The following INA variants were observed in gnomAD, a reference collection of about 807,000 sequenced individuals.
INA encodes the protein alpha-internexin.
Under a neutral mutation model 40.1 loss-of-function variants are expected in INA, and 35 were observed. That is an observed-to-expected ratio of 0.87 (90% CI 0.67 to 1.16). INA has a LOEUF of 1.16. Among genes scored for constraint, INA ranks in the 50% most tolerant of loss-of-function variants. INA has a pLI of 0.00. For missense variants in INA, 594 were observed against 686.7 expected, an observed-to-expected ratio of 0.87 and a Z score of 1.51; for synonymous variants, 290 against 316.9, an observed-to-expected ratio of 0.92 and a Z score of 0.90.
At chr10:103,284,194 G>A (rs560303164) in intron 1 of INA, among the ~76,000 whole-genome samples, 6 of 150,578 alleles carry the variant, frequency 4.0e-5, no homozygotes, top group East Asian at 3.9e-4. Context: ...TTCAACCTCC[G>A]CCTACCGGGC....
Position 103,288,728 on chromosome 10 carries a change from A to AAC in INA, c.*61_*62dup. On this transcript the variant is annotated 3_prime_UTR_variant, in exon 3 of 3. Coordinates refer to ENST00000369849, the MANE Select transcript of INA (RefSeq NM_032727.4). ...GGAATGATATGCATTTGACTTGTTAAACAGCCTATTCCTGAACTATAACAC... is the reference window on the plus strand; with the variant it reads ...GGAATGATATGCATTTGACTTGTTAAACACAGCCTATTCCTGAACTATAACAC... 8.9e-7 allele frequency: 1 copy of AAC among 1,123,482 alleles called. No homozygotes were observed. Among genetic ancestry groups the AAC allele is most frequent in the Non-Finnish European group, 1.3e-6 (1 of 784,206 alleles). 69.6% of individuals were successfully genotyped at this position (1,123,482 alleles called of 1,614,324 possible).
chr10:103,279,454 G>A (rs1279723209), intron 1 of INA, among the ~76,000 whole-genome samples: 1 of 152,130 alleles, frequency 6.6e-6, no homozygotes, highest in Non-Finnish European at 1.5e-5. Flanking sequence ...GAAATTCTGG[G>A]ATTATGACCG....
Position 103,289,736 on chromosome 10 carries a change from G to T in INA, c.*1067G>T, listed in dbSNP as rs925397302. The T allele has an allele frequency of 6.6e-6, 1 of 152,098 alleles. No homozygotes were observed. Among genetic ancestry groups the T allele is most frequent in the Admixed American group, 6.6e-5 (1 of 15,244 alleles). 9.4% of individuals were successfully genotyped at this position (152,098 alleles called of 1,614,324 possible). On this transcript the variant is annotated 3_prime_UTR_variant, in exon 3 of 3. Coordinates refer to ENST00000369849, the MANE Select transcript of INA (RefSeq NM_032727.4). ...TCCCACTAGCCTAGGTCATAAAGAGGCGTTGCTTTCACTCTCCTATGCCTT... is the reference window on the plus strand; with the variant it reads ...TCCCACTAGCCTAGGTCATAAAGAGTCGTTGCTTTCACTCTCCTATGCCTT...
chr10:103,283,403 C>A (rs2093076952), intron 1 of INA, among the ~76,000 whole-genome samples: 1 of 152,138 alleles, frequency 6.6e-6, no homozygotes, highest in East Asian at 1.9e-4. Flanking sequence ...GGTAAAATTT[C>A]TTGGTAAAAA....
chr10:103,287,493 G>C (rs774374569), intron 2 of INA, among the ~76,000 whole-genome samples: 5 of 152,090 alleles, frequency 3.3e-5, no homozygotes, highest in Admixed American at 6.5e-5. Context: ...CCAGCACTTT[G>C]GGAGGCCAAG....
At chr10:103,286,951 C>G (rs566362800) in intron 1 of INA, 84 bp from the exon 2 acceptor site, 1 of 1,426,740 alleles carries the variant, frequency 7.0e-7, no homozygotes, top group South Asian at 1.2e-5. Context: ...AATGTGTAGT[C>G]AGGGCTGGGA....
Position 103,278,256 on chromosome 10 carries a change from G to A in INA, c.1045G>A (p.Ala349Thr). 6.4e-7 allele frequency: 1 copy of A among 1,564,586 alleles called. No homozygotes were observed. The highest frequency in any genetic ancestry group is 8.7e-7 in the Non-Finnish European group (1 of 1,155,018). Reference sequence around the variant, plus strand: ...CCTGGAGCTGGAGGAGCGGCACAGTGCCGAGGTAGCTGGCTACCAGGTAAG... The same window carrying A: ...CCTGGAGCTGGAGGAGCGGCACAGTACCGAGGTAGCTGGCTACCAGGTAAG... Reference protein sequence around the residue: ...QILELEERHSAEVAGYQDSIG... With the variant: ...QILELEERHSTEVAGYQDSIG... The change falls in exon 1 of 3, where the codon GCC becomes ACC. Residue 349 changes from alanine to threonine, a missense_variant. Physicochemically the swap from Ala to Thr is moderately conservative, Grantham distance 58 (BLOSUM62 0). Around this residue, in one of 2 missense-constraint regions of INA, gnomAD observed 379 missense variants for 496.1 expected, o/e 0.76. Transcript: ENST00000369849. This position sits in a 1 kb window ranked among gnomAD's most constrained non-coding sequence, Gnocchi z 4.9.
intron 1 of INA, chr10:103,280,840 G>A (rs748307006): frequency 2.8e-5 from 28 of 985,272 alleles, no homozygotes; most frequent in Non-Finnish European, 3.4e-5. Context: ...TCTGACATAG[G>A]GCAATGCTGG....
At position 103,277,266 on chromosome 10, in the gene INA, T is replaced by C; in HGVS notation, c.55T>C (p.Phe19Leu). Residue 19 changes from phenylalanine (F) to leucine (L), a missense_variant, in exon 1 of 3, where the codon TTC becomes CTC. Around this residue, in one of 2 missense-constraint regions of INA, gnomAD observed 215 missense variants for 190.6 expected, o/e 1.13. Transcript: ENST00000369849. This position sits in a 1 kb window ranked among gnomAD's most constrained non-coding sequence, Gnocchi z 5.6. ...LCSSSSYRKV[F>L]GDGSRLSARL... ...CTCCTCCTCCTCCTACCGCAAGGTG[T>C]TCGGGGATGGCTCTCGCCTGTCCGC... is the stretch of plus-strand genomic sequence containing the variant. The C allele has an allele frequency of 6.3e-7, 1 of 1,594,594 alleles. No individual in the cohort carries two copies. The highest frequency in any genetic ancestry group is 2.3e-5 in the East Asian group (1 of 42,620).
intron 1 of INA, among the ~76,000 whole-genome samples, chr10:103,282,394 G>A (rs1043560307): frequency 2.0e-5 from 3 of 152,122 alleles, no homozygotes; most frequent in Non-Finnish European, 4.4e-5. Context: ...TTCTTAACAC[G>A]ATTTCAAAAT....
Position 103,277,935 on chromosome 10 carries a change from C to CT in INA, c.725dup (p.Gln243AlafsTer16). 3 of 1,554,582 alleles carry CT rather than the reference C, an allele frequency of 1.9e-6. No individual in the cohort carries two copies. Among genetic ancestry groups the CT allele is most frequent in the Non-Finnish European group, 2.6e-6 (3 of 1,149,242 alleles). ...GGAGGTAGCCGAGCTGCTGGCCACGCTGCAGGCGTCGTCGCAGGCCGCGGC... is the reference window on the plus strand; with the variant it reads ...GGAGGTAGCCGAGCTGCTGGCCACGCTTGCAGGCGTCGTCGCAGGCCGCGGC... On this transcript the variant is annotated frameshift_variant, in exon 1 of 3. Transcript: ENST00000369849. LOFTEE classifies it high-confidence loss of function. This position sits in a 1 kb window ranked among gnomAD's most constrained non-coding sequence, Gnocchi z 5.6.
In INA at chr10:103,286,894, G is replaced by A. The variant is rs529615745; in HGVS notation, c.1066-141G>A. On this transcript the variant is annotated intron_variant, in intron 1 of 2. Transcript: ENST00000369849. ...ACCAGTGAATCTGGATCTGGACTCA[G>A]GGACAGACCTGGATATAAGCAAGTT... The A allele has an allele frequency of 7.6e-6, 6 of 785,182 alleles. No individual in the cohort carries two copies. In the South Asian group the frequency reaches 1.2e-4, roughly 16 times the overall value. The allele number at this position is 785,182 out of a possible 1,614,324, so 48.6% of individuals were successfully genotyped here.
chr10:103,280,759 G>T (rs1021612604), intron 1 of INA: 1 of 985,342 alleles, frequency 1.0e-6, no homozygotes, highest in Admixed American at 6.1e-5. Context: ...AGATTAGGAA[G>T]AGCTAAGGCT....
chr10:103,278,903 G>GCACACACCCACACA lies in INA; in HGVS notation c.1065+634_1065+635insCCACACACACACAC, dbSNP rs2093066961. On this transcript the variant is annotated intron_variant, in intron 1 of 2. Coordinates refer to ENST00000369849, the MANE Select transcript of INA (RefSeq NM_032727.4). This position sits in a 1 kb window ranked among gnomAD's most constrained non-coding sequence, Gnocchi z 4.9. ...ACACACACGATTCCCTTGTCCACCA[G>GCACACACCCACACA]CACACACACACACACACACACACAC... 7.3e-6 allele frequency among the ~76,000 whole-genome samples: 1 copy of GCACACACCCACACA among 136,792 alleles called. No homozygotes were observed. Among genetic ancestry groups the GCACACACCCACACA allele is most frequent in the Non-Finnish European group, 1.6e-5 (1 of 63,976 alleles). The allele number at this position is 136,792 out of a possible 152,430, so 89.7% of individuals were successfully genotyped here.
chr10:103,281,548 T>C (rs1016626399), intron 1 of INA, among the ~76,000 whole-genome samples: 1 of 152,082 alleles, frequency 6.6e-6, no homozygotes, highest in African/African-American at 2.4e-5. Context: ...TCGAGTGTGG[T>C]GGAGGAAAGA....
rs775187273 is a variant in INA, at chr10:103,287,071, A to G, written c.1102A>G (p.Thr368Ala). ...GCAGCTGGAGAATGATCTGAGGAAC[A>G]CCAAGAGTGAGATGGCACGCCACCT... Reference protein sequence around the residue: ...IGQLENDLRNTKSEMARHLRE... With the variant: ...IGQLENDLRNAKSEMARHLRE... Residue 368 changes from threonine (T) to alanine (A), a missense_variant, in exon 2 of 3, where the codon ACC becomes GCC. Transcript: ENST00000369849. The G allele has an allele frequency of 6.2e-7, 1 of 1,614,042 alleles. No individual in the cohort carries two copies. The highest frequency in any genetic ancestry group is 8.5e-7 in the Non-Finnish European group (1 of 1,179,944).
intron 1 of INA, chr10:103,280,706 G>A (rs553160532): frequency 1.0e-6 from 1 of 985,422 alleles, no homozygotes; most frequent in African/African-American, 1.7e-5. Context: ...GACACAGTAA[G>A]TACACAATAG....
intron 2 of INA, among the ~76,000 whole-genome samples, 157 bp downstream of exon 2, chr10:103,287,316 C>T (rs2133538405): frequency 6.6e-6 from 1 of 152,328 alleles, no homozygotes; most frequent in South Asian, 2.1e-4. Context: ...TGTCCCTCTA[C>T]TTAGATATAA....
rs1197392087 is a variant in INA, at chr10:103,288,864, G to A, written c.*195G>A. ...TAGATTGAAGTAAACTGCAGTCCTG[G>A]AGCAATCACAGATGAGTTATCTAAG... On this transcript the variant is annotated 3_prime_UTR_variant, in exon 3 of 3. Coordinates refer to ENST00000369849, the MANE Select transcript of INA (RefSeq NM_032727.4). The A allele has an allele frequency of 2.2e-6, 1 of 446,336 alleles. No individual in the cohort carries two copies. Among genetic ancestry groups the A allele is most frequent in the South Asian group, 3.4e-5 (1 of 29,398 alleles). 27.6% of individuals were successfully genotyped at this position (446,336 alleles called of 1,614,324 possible).
Sources: allele counts gnomAD v4.1 joint callset (sites outside exome capture counted in the v4.1 genomes callset), GRCh38; gene constraint gnomAD v4.1.1; regional missense constraint gnomAD v4.1.1; non-coding constraint Gnocchi (gnomAD v3.1); transcripts MANE v1.5; gene names NCBI Gene and HGNC (gene_info 2026-07-23, HGNC 2026-07-21).